GYPB: variants seen among roughly 807,000 people sequenced by gnomAD.
The protein encoded by GYPB is glycophorin-B.
GYPB carries 13 observed loss-of-function variants against 15.3 expected under a neutral mutation model. The ratio of observed to expected loss-of-function variants is 0.85; its 90% CI spans 0.55 to 1.35. The LOEUF (loss-of-function observed/expected upper bound fraction) is 1.35. Among genes scored for constraint, GYPB ranks in the 40% most tolerant of loss-of-function variants. The pLI, the probability that GYPB is intolerant of heterozygous loss-of-function variation, is 0.00. For synonymous variants in GYPB, 38 were observed against 36.9 expected (o/e 1.03, Z -0.11); for missense variants, 131 against 108.3 (o/e 1.21, Z -0.93).
chr4:144,007,966 C>G (rs1185716367), intron 1 of GYPB, among the ~76,000 whole-genome samples: 1 of 151,348 alleles, frequency 6.6e-6, no homozygotes, highest in Non-Finnish European at 1.5e-5. Context: ...AGATGCTTCA[C>G]CATTCATGAA....
At chr4:143,996,029 T>C (rs1334711975), downstream of GYPB, 17 of 795,064 alleles carry the variant, frequency 2.1e-5, no homozygotes, top group Non-Finnish European at 3.1e-5. Flanking sequence ...TTCTTTCTTC[T>C]CATCTATCCT....
chr4:144,000,326 A>T (rs1579048990), intron 2 of GYPB: 2 of 355,888 alleles, frequency 5.6e-6, no homozygotes, highest in East Asian at 2.2e-4. Context: ...AGCTCGTGTA[A>T]ATAGAGTTCA....
At chr4:144,007,576 T>G (rs1002210065) in intron 1 of GYPB, among the ~76,000 whole-genome samples, 18 of 151,520 alleles carry the variant, frequency 1.2e-4, no homozygotes, top group Admixed American at 3.3e-4. Context: ...AAAAAATCGG[T>G]CAGTCTGTCA....
rs1033330348 is a variant in GYPB at position 144,018,094 on chromosome 4, G to A, written c.37+1157C>T. ...AGTTAATTCTAATCATAGAAAATGC[G>A]TAGTACGCTTAACATTTTACTTTGT... On this transcript the variant is annotated intron_variant, in intron 1 of 4. Coordinates refer to ENST00000502664, the MANE Select transcript of GYPB (RefSeq NM_002100.6). Among the ~76,000 whole-genome samples the A allele has an allele frequency of 3.5e-4, 53 of 151,210 alleles. 1 individual carries two copies. Among genetic ancestry groups the A allele is most frequent in the Admixed American group, 5.9e-4 (9 of 15,240 alleles).
intron 1 of GYPB, among the ~76,000 whole-genome samples, chr4:144,005,620 C>T (rs1727873734): frequency 6.6e-6 from 1 of 151,598 alleles, no homozygotes; most frequent in Non-Finnish European, 1.5e-5. Flanking sequence ...CCCTTCACAT[C>T]TTCTGGCAGG....
At chr4:144,005,236 T>C (rs1174269724) in intron 1 of GYPB, among the ~76,000 whole-genome samples, 25 of 152,062 alleles carry the variant, frequency 1.6e-4, no homozygotes, top group East Asian at 3.8e-4. Flanking sequence ...TAGCTCAGAT[T>C]AGCATATCTG....
At chr4:144,017,640 A>C (rs1010203253) in intron 1 of GYPB, among the ~76,000 whole-genome samples, 2 of 151,246 alleles carry the variant, frequency 1.3e-5, no homozygotes, top group Non-Finnish European at 2.9e-5. Context: ...TTTCTTTGCC[A>C]GGAACCCTTT....
In GYPB at chr4:144,009,364, T is replaced by A. The variant is rs894167239; in HGVS notation, c.38-8081A>T. Among the ~76,000 whole-genome samples the A allele has an allele frequency of 2.2e-4, 33 of 151,178 alleles. 1 individual carries two copies. Among genetic ancestry groups the A allele is most frequent in the Non-Finnish European group, 3.7e-4 (25 of 68,008 alleles). ...AGCACAAGTATTAGTAAACTTCCTA[T>A]GTAAAGGGAGAGAGAGTAACTACTT... On this transcript the variant is annotated intron_variant, in intron 1 of 4. Transcript: ENST00000502664.
At chr4:144,013,309 A>C (rs975567545) in intron 1 of GYPB, among the ~76,000 whole-genome samples, 26 of 151,076 alleles carry the variant, frequency 1.7e-4, no homozygotes, top group African/African-American at 2.5e-4. Context: ...GAACACTTTT[A>C]CACTGTTGGT....
chr4:144,013,666 A>T (rs1728335767), intron 1 of GYPB, among the ~76,000 whole-genome samples: 1 of 150,646 alleles, frequency 6.6e-6, no homozygotes, highest in East Asian at 1.9e-4. Context: ...AACTATCGCA[A>T]GAACAAAAAA....
intron 2 of GYPB, 32 bp from the exon 3 acceptor site, chr4:143,999,481 T>A: frequency 2.4e-6 from 3 of 1,250,144 alleles, no homozygotes; most frequent in Non-Finnish European, 3.5e-6. Flanking sequence ...TAAGTCCAAA[T>A]AAGAAAGACA....
In GYPB at chr4:144,000,120, A is replaced by T. The variant is rs1381335916; in HGVS notation, c.137-671T>A. 1.8e-5 allele frequency: 3 copies of T among 168,304 alleles called. No individual in the cohort carries two copies. In the East Asian group the frequency reaches 5.1e-4, roughly 29 times the overall value. 10.4% of individuals were successfully genotyped at this position (168,304 alleles called of 1,614,324 possible). On this transcript the variant is annotated intron_variant, in intron 2 of 4. Coordinates refer to ENST00000502664, the MANE Select transcript of GYPB (RefSeq NM_002100.6). ...TTCTAGAGTTTAATTATTACAAATT[A>T]CTTAGTATATGCTATGTTGTTTGAT...
At chr4:144,000,809 G>A (rs1484708435) in intron 2 of GYPB, among the ~76,000 whole-genome samples, 7 of 151,098 alleles carry the variant, frequency 4.6e-5, no homozygotes, top group African/African-American at 1.2e-4. Flanking sequence ...ACCCTGCAGG[G>A]CAACTCACCC....
Position 143,996,218 on chromosome 4 carries a change from G to A in GYPB, c.*81C>T, listed in dbSNP as rs1727300299. 1 of 1,549,444 alleles carries A rather than the reference G, an allele frequency of 6.5e-7. No homozygotes were observed. ...TAGGGGCATAAGCAAAGGAATAGCA[G>A]GTGCAGCCAGTTTGCATAAACAAGA... On this transcript the variant is annotated 3_prime_UTR_variant, in exon 5 of 5. Transcript: ENST00000502664.
At chr4:144,007,535 C>G (rs1213077929) in intron 1 of GYPB, among the ~76,000 whole-genome samples, 2 of 151,406 alleles carry the variant, frequency 1.3e-5, no homozygotes, top group African/African-American at 2.5e-5. Flanking sequence ...CACACTGTCC[C>G]AAACCATTGC....
intron 1 of GYPB, among the ~76,000 whole-genome samples, chr4:144,012,919 C>A (rs1179368758): frequency 6.6e-6 from 1 of 151,428 alleles, no homozygotes; most frequent in Non-Finnish European, 1.5e-5. Flanking sequence ...GATATGATAT[C>A]AAAAGCGTAA....
At chr4:144,001,614 A>G (rs145445292) in intron 1 of GYPB, among the ~76,000 whole-genome samples, 2,367 of 151,376 alleles carry the variant, frequency 0.016, 46 homozygotes, top group South Asian at 0.034. Context: ...ATGTGTGTGT[A>G]TGTGGTATGT....
At chr4:143,999,182 T>G in intron 3 of GYPB, 1 of 413,838 alleles carries the variant, frequency 2.4e-6, no homozygotes, top group Non-Finnish European at 4.4e-6. Flanking sequence ...TTATAGGGAT[T>G]ATAGGCATGA....
chr4:144,000,894 C>G (rs1011415110), intron 2 of GYPB, among the ~76,000 whole-genome samples: 6 of 151,216 alleles, frequency 4.0e-5, no homozygotes, highest in Non-Finnish European at 5.9e-5. Flanking sequence ...TCCGCACCAC[C>G]GCACTATTAG....
Sources: gnomAD v4.1 joint callset for allele counts (sites outside exome capture counted in the v4.1 genomes callset) on GRCh38, gnomAD v4.1.1 for gene constraint, MANE v1.5 for transcripts, NCBI Gene and HGNC (gene_info 2026-07-23, HGNC 2026-07-21) for gene names.